Variants in CFAP299 observed in about 807,000 individuals in gnomAD.
CFAP299 encodes cilia- and flagella-associated protein 299.
In CFAP299, 21 loss-of-function variants were observed where a neutral mutation model predicts 27.0. That is an observed-to-expected ratio of 0.78 (90% CI 0.55 to 1.12). The LOEUF (loss-of-function observed/expected upper bound fraction) is 1.12. CFAP299 is among the 50% of genes most tolerant of loss of function. The probability of loss-of-function intolerance (pLI) is 0.00; values close to 1 mark genes in which losing one functional copy is unlikely to be tolerated. For synonymous variants in CFAP299, 104 were observed against 98.1 expected, an observed-to-expected ratio of 1.06 and a Z score of -0.36; for missense variants, 310 against 276.6, an observed-to-expected ratio of 1.12 and a Z score of -0.86.
intron 2 of CFAP299, among the ~76,000 whole-genome samples, chr4:80,509,772 A>G (rs1025152069): frequency 2.0e-5 from 3 of 152,146 alleles, no homozygotes; most frequent in Non-Finnish European, 4.4e-5. Flanking sequence ...CTTCATTGAC[A>G]TGAGTGATGA....
intron 3 of CFAP299, among the ~76,000 whole-genome samples, chr4:80,833,519 G>A (rs909305616): frequency 1.3e-5 from 2 of 151,966 alleles, no homozygotes; most frequent in Non-Finnish European, 2.9e-5. Context: ...AGAAGAGGAG[G>A]CAAAACATAA....
In CFAP299 at chr4:80,335,834, T is replaced by G; in HGVS notation, c.66T>G (p.Asp22Glu). ...NIVTQFNAYE[D>E]FLDSQITTVD... is the part of the protein sequence containing the mutation. ...TCACTCAATTCAACGCCTATGAAGA[T>G]TTCCTGGACTCGCAGATCACTACTG... The change falls in exon 1 of 6, where the codon GAT (aspartate) becomes GAG (glutamate). Residue 22 changes from aspartate to glutamate, a missense_variant. Coordinates refer to ENST00000358105, the MANE Select transcript of CFAP299 (RefSeq NM_152770.3). 1 of 1,613,854 alleles carries G rather than the reference T, an allele frequency of 6.2e-7. No individual in the cohort carries two copies. Among genetic ancestry groups the G allele is most frequent in the Non-Finnish European group, 8.5e-7 (1 of 1,179,708 alleles).
intron 3 of CFAP299, among the ~76,000 whole-genome samples, chr4:80,641,389 G>C (rs996172123): frequency 6.6e-6 from 1 of 152,028 alleles, no homozygotes; most frequent in Non-Finnish European, 1.5e-5. Context: ...ATTTTTAGTA[G>C]AGACGGGGTT....
At chr4:80,682,452 C>T (rs1291426656) in intron 3 of CFAP299, among the ~76,000 whole-genome samples, 1 of 152,136 alleles carries the variant, frequency 6.6e-6, no homozygotes, top group East Asian at 1.9e-4. Flanking sequence ...GCCTAGTATT[C>T]CATCAATTCA....
At chr4:80,730,175 C>T (rs1723420209) in intron 3 of CFAP299, among the ~76,000 whole-genome samples, 1 of 151,792 alleles carries the variant, frequency 6.6e-6, no homozygotes, top group African/African-American at 2.4e-5. Flanking sequence ...GGAGGCATTG[C>T]TCCACAGCTT....
intron 3 of CFAP299, among the ~76,000 whole-genome samples, chr4:80,865,041 C>T (rs1732640308): frequency 6.6e-6 from 1 of 152,086 alleles, no homozygotes; most frequent in Admixed American, 6.6e-5. Flanking sequence ...GGAAGCCAAG[C>T]TGGGTGTGAG....
chr4:80,638,817 G>A (rs537730927), intron 3 of CFAP299, among the ~76,000 whole-genome samples: 7 of 152,168 alleles, frequency 4.6e-5, no homozygotes, highest in African/African-American at 1.7e-4. Context: ...GTATTAGGTT[G>A]TCTGCTCATG....
chr4:80,903,645 A>C (rs1198163729), intron 4 of CFAP299, among the ~76,000 whole-genome samples: 1 of 152,226 alleles, frequency 6.6e-6, no homozygotes, highest in East Asian at 1.9e-4. Flanking sequence ...TATAAGGACA[A>C]ATACAGATAT....
intron 2 of CFAP299, among the ~76,000 whole-genome samples, chr4:80,529,925 T>C (rs1211941306): frequency 6.6e-6 from 1 of 152,154 alleles, no homozygotes; most frequent in Admixed American, 6.5e-5. Context: ...TTTTGTAATA[T>C]GGTACACAAT....
intron 2 of CFAP299, chr4:80,387,042 A>G (rs1170325252): frequency 2.2e-6 from 3 of 1,374,042 alleles, no homozygotes; most frequent in Non-Finnish European, 3.1e-6. Flanking sequence ...ACAAGGAAAC[A>G]CCTTCTAGCA....
chr4:80,580,417 CA>C (rs1194223922), intron 2 of CFAP299, among the ~76,000 whole-genome samples: 1 of 151,924 alleles, frequency 6.6e-6, no homozygotes, highest in Non-Finnish European at 1.5e-5. Flanking sequence ...TATTAGGAGG[CA>C]AAAGCAATAG....
Position 80,583,137 on chromosome 4 carries a change from C to G in CFAP299, c.287C>G (p.Thr96Arg). 6.2e-7 allele frequency: 1 copy of G among 1,604,990 alleles called. No individual in the cohort carries two copies. The highest frequency in any genetic ancestry group is 8.5e-7 in the Non-Finnish European group (1 of 1,174,286). Residue 96 changes from threonine to arginine, a missense_variant, in exon 3 of 6, where the codon ACG (threonine) becomes AGG (arginine). Physicochemically the swap from Thr to Arg is moderately conservative, Grantham distance 71 (BLOSUM62 -1). Coordinates refer to ENST00000358105, the MANE Select transcript of CFAP299 (RefSeq NM_152770.3). ...AGKDLQDNFL[T>R]ALAMREEDNR... ...AAAGACCTACAAGATAATTTTCTGACGGCCCTGGCAATGAGAGAAGAAGAC... is the reference window on the plus strand; with the variant it reads ...AAAGACCTACAAGATAATTTTCTGAGGGCCCTGGCAATGAGAGAAGAAGAC...
intron 2 of CFAP299, among the ~76,000 whole-genome samples, chr4:80,466,763 A>G (rs148560100): frequency 1.3e-5 from 2 of 152,296 alleles, no homozygotes; most frequent in Admixed American, 1.3e-4. Flanking sequence ...CCTGACTTCA[A>G]GTAATCTTTT....
At chr4:80,694,967 G>A (rs1720993996) in intron 3 of CFAP299, among the ~76,000 whole-genome samples, 1 of 152,070 alleles carries the variant, frequency 6.6e-6, no homozygotes, top group Non-Finnish European at 1.5e-5. Flanking sequence ...AGATTTTTGG[G>A]GATAAAGTTG....
the CFAP299 span, among the ~76,000 whole-genome samples, chr4:80,326,093 G>A: frequency 2.6e-5 from 4 of 152,048 alleles, no homozygotes; most frequent in African/African-American, 4.8e-5. Flanking sequence ...TGCAACTGTC[G>A]ATATTAGATC....
Position 80,373,384 on chromosome 4 carries a change from T to C in CFAP299, c.242+10500T>C, listed in dbSNP as rs575719725. Among the ~76,000 whole-genome samples the C allele has an allele frequency of 7.9e-5, 12 of 152,194 alleles. No individual in the cohort carries two copies. The South Asian group carries it at 2.5e-3, about 32-fold the overall frequency. ...TTTGAGTAAATGCCCATAGGTCTCTTTGGGGGAGAAGAGAATCACTGCAAT... is the reference window on the plus strand; with the variant it reads ...TTTGAGTAAATGCCCATAGGTCTCTCTGGGGGAGAAGAGAATCACTGCAAT... On this transcript the variant is annotated intron_variant, in intron 2 of 5. Coordinates refer to ENST00000358105, the MANE Select transcript of CFAP299 (RefSeq NM_152770.3).
At chr4:80,387,879 G>C in intron 2 of CFAP299, 1 of 1,104,828 alleles carries the variant, frequency 9.1e-7, no homozygotes, top group Non-Finnish European at 1.4e-6. Flanking sequence ...TTGGTGGAGA[G>C]TCAAAGATGG....
chr4:80,578,985 C>A (rs1736025350), intron 2 of CFAP299, among the ~76,000 whole-genome samples: 2 of 152,166 alleles, frequency 1.3e-5, no homozygotes, highest in South Asian at 4.2e-4. Context: ...GAAAAGTGAA[C>A]AAATTTCAAA....
At chr4:80,512,944 A>G (rs1199351959) in intron 2 of CFAP299, among the ~76,000 whole-genome samples, 1 of 152,124 alleles carries the variant, frequency 6.6e-6, no homozygotes, top group Non-Finnish European at 1.5e-5. Flanking sequence ...TTTTAAAGTA[A>G]TTTAGTTAAA....
Sources: gnomAD v4.1 joint callset for allele counts (sites outside exome capture counted in the v4.1 genomes callset) on GRCh38, gnomAD v4.1.1 for gene constraint, MANE v1.5 for transcripts, NCBI Gene and HGNC (gene_info 2026-07-23, HGNC 2026-07-21) for gene names.